CNTN3: variants seen among roughly 807,000 people sequenced by gnomAD.
CNTN3 encodes the protein contactin-3.
A neutral mutation model predicts 119.1 loss-of-function variants in CNTN3; 60 were observed. The ratio of observed to expected loss-of-function variants is 0.50; its 90% CI spans 0.41 to 0.62. The LOEUF is 0.62. Among genes scored for constraint, CNTN3 ranks in the 20% least tolerant of loss-of-function variants. The pLI, the probability that CNTN3 is intolerant of heterozygous loss-of-function variation, is 0.00. For missense variants in CNTN3, 1,101 were observed against 1,242.4 expected, an observed-to-expected ratio of 0.89 and a Z score of 1.71; for synonymous variants, 450 against 438.7, an observed-to-expected ratio of 1.03 and a Z score of -0.32.
At chr3:74,590,486 T>C (rs896591036) in intron 1 of CNTN3, among the ~76,000 whole-genome samples, 2 of 110,118 alleles carry the variant, frequency 1.8e-5, no homozygotes, top group African/African-American at 8.6e-5. Flanking sequence ...AGGGACGCAG[T>C]GCTCAGAGCA....
At chr3:74,572,298 T>C (rs923365526) in intron 1 of CNTN3, among the ~76,000 whole-genome samples, 3 of 152,122 alleles carry the variant, frequency 2.0e-5, no homozygotes, top group Admixed American at 6.6e-5. Flanking sequence ...TCCAAATATC[T>C]AATGTCAAAG....
chr3:74,298,885 CA>C (rs1485791977), intron 17 of CNTN3, among the ~76,000 whole-genome samples: 6 of 85,894 alleles, frequency 7.0e-5, no homozygotes, highest in East Asian at 1.1e-3. Context: ...GAGACTCCAT[CA>C]AGGAAAAAAA....
At chr3:74,491,123 C>T (rs1013914060) in intron 3 of CNTN3, among the ~76,000 whole-genome samples, 1 of 152,120 alleles carries the variant, frequency 6.6e-6, no homozygotes, top group African/African-American at 2.4e-5. Context: ...GAGAAACAAA[C>T]TAGTATATGT....
chr3:74,511,922 T>A (rs1005672970), intron 2 of CNTN3, among the ~76,000 whole-genome samples: 1 of 152,132 alleles, frequency 6.6e-6, no homozygotes, highest in Non-Finnish European at 1.5e-5. Flanking sequence ...AAAGATCATG[T>A]CTACTAGGAG....
intron 1 of CNTN3, among the ~76,000 whole-genome samples, chr3:74,594,925 T>G (rs910479092): frequency 6.6e-6 from 1 of 152,074 alleles, no homozygotes; most frequent in African/African-American, 2.4e-5. Flanking sequence ...AGTGTCAAAG[T>G]GTTCCTATTT....
At chr3:74,581,599 C>A (rs903293487) in intron 1 of CNTN3, among the ~76,000 whole-genome samples, 1 of 152,092 alleles carries the variant, frequency 6.6e-6, no homozygotes, top group Admixed American at 6.5e-5. Context: ...CCAATAGGTC[C>A]TTTGAAGAAA....
intron 3 of CNTN3, among the ~76,000 whole-genome samples, chr3:74,499,064 T>G (rs906652776): frequency 9.3e-5 from 3 of 32,100 alleles, no homozygotes; most frequent in African/African-American, 3.7e-4. Context: ...GTATGGATTT[T>G]TTTTTCTTTT....
intron 4 of CNTN3, among the ~76,000 whole-genome samples, chr3:74,456,658 A>G (rs1039637679): frequency 6.6e-6 from 1 of 152,100 alleles, no homozygotes; most frequent in Non-Finnish European, 1.5e-5. Flanking sequence ...TGCCTAAAAC[A>G]AAACATTTGG....
rs745698143 is a variant in CNTN3, at chr3:74,369,995, TAAATCCAC to T, written c.659-12_659-5del. 6.9e-7 allele frequency: 1 copy of T among 1,459,772 alleles called. No individual in the cohort carries two copies. Among genetic ancestry groups the T allele is most frequent in the Admixed American group, 1.7e-5 (1 of 57,286 alleles). 90.4% of individuals were successfully genotyped at this position (1,459,772 alleles called of 1,614,324 possible). ...GGTTCATATTCACCCATCACACCTATAAATCCACAATATAAAGTTAATCGTTTCAATAT... is the reference window on the plus strand; with the variant it reads ...GGTTCATATTCACCCATCACACCTATAATATAAAGTTAATCGTTTCAATAT... On this transcript the variant is annotated splice_polypyrimidine_tract_variant and splice_region_variant and intron_variant, in intron 6 of 22. Transcript: ENST00000263665.
intron 1 of CNTN3, among the ~76,000 whole-genome samples, chr3:74,596,421 A>G (rs1047146805): frequency 2.0e-5 from 3 of 152,136 alleles, no homozygotes; most frequent in African/African-American, 7.2e-5. Flanking sequence ...GCCTCACGCT[A>G]CCTGACTTCA....
chr3:74,415,897 C>T (rs995998229), intron 5 of CNTN3, among the ~76,000 whole-genome samples: 1 of 152,156 alleles, frequency 6.6e-6, no homozygotes, highest in East Asian at 1.9e-4. Flanking sequence ...ATCAAACTCC[C>T]AGGAGACAGC....
At chr3:74,286,611 T>C (rs1424945897) in intron 19 of CNTN3, among the ~76,000 whole-genome samples, 1 of 152,028 alleles carries the variant, frequency 6.6e-6, no homozygotes, top group Non-Finnish European at 1.5e-5. Flanking sequence ...CTAACTGGAG[T>C]TCCAGAAGGA....
At chr3:74,451,324 G>C (rs1042590635) in intron 4 of CNTN3, among the ~76,000 whole-genome samples, 1 of 152,164 alleles carries the variant, frequency 6.6e-6, no homozygotes, top group African/African-American at 2.4e-5. Flanking sequence ...TTGGAGAAGT[G>C]TCTGTTCATG....
rs77533369 is a variant in CNTN3 at position 74,504,390 on chromosome 3, A to C, written c.56-4605T>G. 7.1e-3 allele frequency among the ~76,000 whole-genome samples: 1,075 copies of C among 152,298 alleles called. 10 individuals are homozygous for C. The highest frequency in any genetic ancestry group is 0.025 in the African/African-American group (1,029 of 41,568). On this transcript the variant is annotated intron_variant, in intron 2 of 22. Transcript: ENST00000263665. ...AGCCTGGGTCAAAGAAAGTAAAATC[A>C]TATGCCGCCAATGAAATAAGATCTA... is the stretch of plus-strand genomic sequence containing the variant.
intron 4 of CNTN3, among the ~76,000 whole-genome samples, chr3:74,468,682 A>G (rs927498754): frequency 1.3e-5 from 2 of 152,178 alleles, no homozygotes; most frequent in Non-Finnish European, 2.9e-5. Flanking sequence ...TAAACTATCA[A>G]TTGGATTTCC....
intron 4 of CNTN3, among the ~76,000 whole-genome samples, chr3:74,429,539 A>T (rs1199205131): frequency 1.3e-5 from 2 of 152,296 alleles, no homozygotes; most frequent in African/African-American, 4.8e-5. Flanking sequence ...ACTTTTATTT[A>T]AAAAATATTG....
At chr3:74,604,890 A>G (rs1704966725) in intron 1 of CNTN3, among the ~76,000 whole-genome samples, 1 of 152,170 alleles carries the variant, frequency 6.6e-6, no homozygotes, top group South Asian at 2.1e-4. Flanking sequence ...CAAGATATTC[A>G]ATACAAATTT....
intron 5 of CNTN3, among the ~76,000 whole-genome samples, chr3:74,391,557 C>CTTTTTT (rs554976641): frequency 8.0e-5 from 7 of 87,014 alleles, no homozygotes; most frequent in African/African-American, 9.3e-5. Context: ...CCCATAGTTT[C>CTTTTTT]TTTTTTTTTT....
At chr3:74,608,740 T>G (rs1371488381) in intron 1 of CNTN3, among the ~76,000 whole-genome samples, 3 of 152,204 alleles carry the variant, frequency 2.0e-5, no homozygotes, top group African/African-American at 7.2e-5. Context: ...AAGATTAGAC[T>G]TTCTATCTTT....
Sources: allele counts gnomAD v4.1 joint callset (sites outside exome capture counted in the v4.1 genomes callset), GRCh38; gene constraint gnomAD v4.1.1; transcripts MANE v1.5; gene names NCBI Gene and HGNC (gene_info 2026-07-23, HGNC 2026-07-21).